The following SMYD2 variants were observed in gnomAD, a reference collection of about 807,000 sequenced individuals.
The protein encoded by SMYD2 is SET and MYND domain containing 2.
A neutral mutation model predicts 59.1 loss-of-function variants in SMYD2; 53 were observed. That is an observed-to-expected ratio of 0.90 (90% confidence interval 0.72 to 1.13). SMYD2 has a LOEUF of 1.13. SMYD2 is among the 50% of genes most tolerant of loss of function. The pLI is 0.00. For missense variants in SMYD2, 494 were observed against 544.7 expected, an observed-to-expected ratio of 0.91 and a Z score of 0.93; for synonymous variants, 208 against 198.8, an observed-to-expected ratio of 1.05 and a Z score of -0.39.
intron 1 of SMYD2, among the ~76,000 whole-genome samples, chr1:214,284,538 G>A (rs1164826581): frequency 1.3e-5 from 2 of 148,686 alleles, no homozygotes; most frequent in African/African-American, 5.0e-5. Context: ...GCCGGGCCAA[G>A]TATGTTGTAT....
chr1:214,326,707 G>A (rs957930217), intron 6 of SMYD2, among the ~76,000 whole-genome samples: 2 of 152,068 alleles, frequency 1.3e-5, no homozygotes, highest in African/African-American at 4.8e-5. Flanking sequence ...ATCAGGCTTC[G>A]AAACCCCTTT....
intron 1 of SMYD2, among the ~76,000 whole-genome samples, chr1:214,293,089 G>C (rs977821102): frequency 6.7e-6 from 1 of 149,174 alleles, no homozygotes; most frequent in African/African-American, 2.5e-5. Context: ...GTCTCTCTCT[G>C]TCACCCAGGC....
intron 1 of SMYD2, among the ~76,000 whole-genome samples, chr1:214,291,658 C>T (rs966754621): frequency 6.6e-6 from 1 of 152,108 alleles, no homozygotes; most frequent in Non-Finnish European, 1.5e-5. Context: ...TATGTCTTTT[C>T]TTCCAGGGGT....
chr1:214,324,002 A>C (rs914603741), intron 5 of SMYD2, among the ~76,000 whole-genome samples: 1 of 152,198 alleles, frequency 6.6e-6, no homozygotes, highest in African/African-American at 2.4e-5. Flanking sequence ...ATCTTGGCTT[A>C]CTGCAGCCTC....
intron 6 of SMYD2, 145 bp downstream of exon 6, chr1:214,324,853 T>C: frequency 1.5e-6 from 1 of 689,032 alleles, no homozygotes; most frequent in Non-Finnish European, 2.4e-6. Context: ...ATCTGCCAGA[T>C]TTCAAAATAT....
At chr1:214,287,242 G>A (rs1465771793) in intron 1 of SMYD2, among the ~76,000 whole-genome samples, 2 of 151,976 alleles carry the variant, frequency 1.3e-5, no homozygotes, top group Non-Finnish European at 2.9e-5. Context: ...GGGGAGGGGT[G>A]AACACTGGGA....
intron 1 of SMYD2, among the ~76,000 whole-genome samples, chr1:214,289,372 C>CT (rs1193289263): frequency 6.6e-6 from 1 of 152,192 alleles, no homozygotes; most frequent in Non-Finnish European, 1.5e-5. Flanking sequence ...TTTTATGCCA[C>CT]TTTATTTCTG....
intron 5 of SMYD2, among the ~76,000 whole-genome samples, chr1:214,321,657 G>T (rs2102472792): frequency 6.6e-6 from 1 of 152,282 alleles, no homozygotes; most frequent in South Asian, 2.1e-4. Context: ...ACAGCATCGA[G>T]GTGTGTTCTA....
At chr1:214,285,780 T>C (rs1394371168) in intron 1 of SMYD2, among the ~76,000 whole-genome samples, 1 of 152,210 alleles carries the variant, frequency 6.6e-6, no homozygotes, top group Non-Finnish European at 1.5e-5. Context: ...GCCAGCATGC[T>C]AGAGTGTACT....
At chr1:214,282,211 T>G (rs144372214) in intron 1 of SMYD2, among the ~76,000 whole-genome samples, 2 of 152,250 alleles carry the variant, frequency 1.3e-5, no homozygotes, top group African/African-American at 4.8e-5. Context: ...TCAACTCTTA[T>G]GAGAGTTTCA....
intron 10 of SMYD2, 155 bp downstream of exon 10, chr1:214,332,347 C>G: frequency 1.2e-6 from 1 of 829,444 alleles, no homozygotes; most frequent in Non-Finnish European, 1.8e-6. Flanking sequence ...CAGGGCACTG[C>G]TCCCGAGTCA....
chr1:214,328,698 T>C (rs1657300846), intron 7 of SMYD2, among the ~76,000 whole-genome samples: 1 of 152,216 alleles, frequency 6.6e-6, no homozygotes, highest in Non-Finnish European at 1.5e-5. Flanking sequence ...TGCTTTGCTT[T>C]CTCTGGAAGG....
At chr1:214,306,757 C>T (rs532201290) in intron 2 of SMYD2, among the ~76,000 whole-genome samples, 42 of 152,242 alleles carry the variant, frequency 2.8e-4, no homozygotes, top group African/African-American at 1.0e-3. Context: ...TAACTCATTC[C>T]GTTCTGTAGC....
At chr1:214,329,726 G>A (rs927299536) in intron 7 of SMYD2, among the ~76,000 whole-genome samples, 3 of 152,176 alleles carry the variant, frequency 2.0e-5, no homozygotes, top group Non-Finnish European at 4.4e-5. Flanking sequence ...TTAGCTGCAT[G>A]TGTGTGGTGT....
chr1:214,300,950 T>TA (rs747310908), intron 1 of SMYD2, among the ~76,000 whole-genome samples: 7 of 152,256 alleles, frequency 4.6e-5, no homozygotes, highest in Non-Finnish European at 1.0e-4. Context: ...TTATATGAGT[T>TA]ATAGCAATCA....
At chr1:214,329,051 A>T (rs947362167) in intron 7 of SMYD2, among the ~76,000 whole-genome samples, 1 of 152,192 alleles carries the variant, frequency 6.6e-6, no homozygotes, top group Non-Finnish European at 1.5e-5. Context: ...TGAGTCAGTC[A>T]TTACAGAGAT....
Position 214,336,953 on chromosome 1 carries a change from C to A in SMYD2, c.*169C>A. On this transcript the variant is annotated 3_prime_UTR_variant, in exon 12 of 12. Transcript: ENST00000366957. ...GCCGTACTTTGAGGTTAGTCTGAAT[C>A]TTGAACTTTAATACCAAATTAATTT... 1 of 548,110 alleles carries A rather than the reference C, an allele frequency of 1.8e-6. No homozygotes were observed. The highest frequency in any genetic ancestry group is 3.1e-6 in the Non-Finnish European group (1 of 325,928). 34.0% of individuals were successfully genotyped at this position (548,110 alleles called of 1,614,324 possible). A position where few individuals can be genotyped will look rare whatever the true frequency, so the allele number is the denominator to read the frequency against.
chr1:214,327,146 C>T (rs1319219112), intron 6 of SMYD2, among the ~76,000 whole-genome samples: 1 of 152,218 alleles, frequency 6.6e-6, no homozygotes, highest in Non-Finnish European at 1.5e-5. Context: ...CTCCGGGTCT[C>T]TCAGGGGATC....
intron 1 of SMYD2, among the ~76,000 whole-genome samples, chr1:214,285,792 A>G (rs1473047858): frequency 2.0e-5 from 3 of 152,220 alleles, no homozygotes; most frequent in Non-Finnish European, 4.4e-5. Context: ...GAGTGTACTT[A>G]CACAAAGCTA....
Sources: gnomAD v4.1 joint callset for allele counts (sites outside exome capture counted in the v4.1 genomes callset) on GRCh38, gnomAD v4.1.1 for gene constraint, MANE v1.5 for transcripts, NCBI Gene and HGNC (gene_info 2026-07-23, HGNC 2026-07-21) for gene names.